Variants in SLC25A26 observed in about 807,000 individuals in gnomAD.
SLC25A26 encodes solute carrier family 25 member 26, also known as mitochondrial S-adenosylmethionine carrier protein.
A neutral mutation model predicts 37.8 loss-of-function variants in SLC25A26; 36 were observed. That is an observed-to-expected ratio of 0.95 (90% CI 0.73 to 1.26). SLC25A26 has a LOEUF of 1.26. Ranked by LOEUF, SLC25A26 falls within the 50% of genes most tolerant of loss-of-function variation. The probability of loss-of-function intolerance (pLI) is 0.00; values close to 1 mark genes in which losing one functional copy is unlikely to be tolerated. For synonymous variants in SLC25A26, 129 were observed against 122.5 expected (o/e 1.05, Z -0.35); for missense variants, 390 against 331.1 (o/e 1.18, Z -1.38).
In SLC25A26 at chr3:66,276,958, A is replaced by G. The variant is rs73833440; in HGVS notation, c.453+13579A>G. Among the ~76,000 whole-genome samples, 34 of 66,860 alleles carry G rather than the reference A, an allele frequency of 5.1e-4. 1 individual carries two copies. The highest frequency in any genetic ancestry group is 1.1e-3 in the African/African-American group (6 of 5,246). The allele number at this position is 66,860 out of a possible 152,430, so 43.9% of individuals were successfully genotyped here. ...GGAAGCTGCTTCCTGGCACTGTTTG[A>G]AAAAAAAAAAAAAAGGTTCAAATTA... On this transcript the variant is annotated intron_variant, in intron 5 of 9. Transcript: ENST00000354883.
At chr3:66,363,027 G>T in intron 7 of SLC25A26, 98 bp downstream of exon 7, 1 of 635,834 alleles carries the variant, frequency 1.6e-6, no homozygotes, top group Non-Finnish European at 2.4e-6. Context: ...ATTCCAGGTT[G>T]TTTAGATGAA....
intron 5 of SLC25A26, among the ~76,000 whole-genome samples, chr3:66,345,491 T>C (rs1289966203): frequency 6.6e-6 from 1 of 150,960 alleles, no homozygotes; most frequent in Non-Finnish European, 1.5e-5. Context: ...CCTCCTCCTC[T>C]CTGCCCCCCT....
At chr3:66,311,657 T>C (rs937720242) in intron 5 of SLC25A26, among the ~76,000 whole-genome samples, 1 of 152,128 alleles carries the variant, frequency 6.6e-6, no homozygotes, top group African/African-American at 2.4e-5. Context: ...CGCGGATGAC[T>C]TTTGGATAGG....
chr3:66,247,251 T>TTAAATA (rs59031457), intron 3 of SLC25A26, among the ~76,000 whole-genome samples: 3 of 149,966 alleles, frequency 2.0e-5, no homozygotes, highest in Admixed American at 6.8e-5. Flanking sequence ...TGTTGGCTAT[T>TTAAATA]TAAATATAAA....
At chr3:66,308,410 A>G (rs2075284962) in intron 5 of SLC25A26, among the ~76,000 whole-genome samples, 1 of 152,196 alleles carries the variant, frequency 6.6e-6, no homozygotes, top group Non-Finnish European at 1.5e-5. Context: ...GGCTGCGATG[A>G]TGGAGTTTTC....
intron 5 of SLC25A26, among the ~76,000 whole-genome samples, chr3:66,329,783 G>A (rs1306518433): frequency 4.6e-5 from 7 of 151,966 alleles, no homozygotes; most frequent in Admixed American, 3.9e-4. Flanking sequence ...CTGTTACCTC[G>A]AACTCCTGGC....
intron 1 of SLC25A26, among the ~76,000 whole-genome samples, chr3:66,169,708 A>T (rs1225246825): frequency 6.6e-6 from 1 of 152,190 alleles, no homozygotes; most frequent in East Asian, 1.9e-4. Context: ...TGGATGAAAA[A>T]ATCTGGCTTC....
intron 1 of SLC25A26, among the ~76,000 whole-genome samples, chr3:66,223,322 A>G (rs2071586913): frequency 6.6e-6 from 1 of 152,100 alleles, no homozygotes; most frequent in Non-Finnish European, 1.5e-5. Context: ...AAGTGGAAAG[A>G]GCTTAGAGTT....
chr3:66,173,290 G>A (rs2106736496), intron 1 of SLC25A26, among the ~76,000 whole-genome samples: 1 of 152,256 alleles, frequency 6.6e-6, no homozygotes, highest in Admixed American at 6.5e-5. Flanking sequence ...GCTTTCCCCG[G>A]GAGCTAGAGT....
intron 5 of SLC25A26, among the ~76,000 whole-genome samples, chr3:66,340,141 T>G (rs143849135): frequency 6.6e-6 from 1 of 152,242 alleles, no homozygotes; most frequent in East Asian, 1.9e-4. Context: ...TCTGGCACCC[T>G]TTTCGAAGAT....
chr3:66,236,087 T>C (rs1217571062), intron 1 of SLC25A26, among the ~76,000 whole-genome samples: 1 of 152,042 alleles, frequency 6.6e-6, no homozygotes, highest in East Asian at 1.9e-4. Flanking sequence ...TAATTTTTTA[T>C]TTTTTGTAGT....
chr3:66,250,955 T>TG (rs922022127), intron 3 of SLC25A26, among the ~76,000 whole-genome samples: 66 of 152,182 alleles, frequency 4.3e-4, no homozygotes, highest in African/African-American at 1.5e-3. Flanking sequence ...CTTTTTGTTT[T>TG]GTGTTTGTGG....
intron 3 of SLC25A26, among the ~76,000 whole-genome samples, chr3:66,253,304 G>A (rs906258218): frequency 5.3e-5 from 8 of 151,666 alleles, no homozygotes; most frequent in Non-Finnish European, 1.0e-4. Flanking sequence ...CCAGCTACTC[G>A]GGAGGCTGAG....
At chr3:66,262,799 T>C (rs1456903922) in intron 4 of SLC25A26, among the ~76,000 whole-genome samples, 1 of 152,234 alleles carries the variant, frequency 6.6e-6, no homozygotes, top group Non-Finnish European at 1.5e-5. Flanking sequence ...CTAGTATAAC[T>C]TCCCCGTTGA....
chr3:66,309,748 A>G (rs771810652), intron 5 of SLC25A26, among the ~76,000 whole-genome samples: 6 of 152,056 alleles, frequency 3.9e-5, no homozygotes, highest in Non-Finnish European at 7.4e-5. Flanking sequence ...TTTCTGCCTT[A>G]ATTTCGTTAT....
At chr3:66,361,556 G>A (rs778931874) in intron 6 of SLC25A26, among the ~76,000 whole-genome samples, 8 of 152,156 alleles carry the variant, frequency 5.3e-5, no homozygotes, top group African/African-American at 1.7e-4. Flanking sequence ...ATTGAGATAC[G>A]GTAACCCAGT....
chr3:66,372,872 C>T (rs1700424456), intron 9 of SLC25A26, among the ~76,000 whole-genome samples: 1 of 152,064 alleles, frequency 6.6e-6, no homozygotes, highest in African/African-American at 2.4e-5. Context: ...GGGGCGTGCA[C>T]TAAGTTTACT....
At chr3:66,157,861 G>C (rs996797053) in intron 1 of SLC25A26, among the ~76,000 whole-genome samples, 1 of 152,176 alleles carries the variant, frequency 6.6e-6, no homozygotes, top group Non-Finnish European at 1.5e-5. Context: ...CAACATGTCT[G>C]ATGTCTTTCA....
intron 6 of SLC25A26, among the ~76,000 whole-genome samples, chr3:66,357,597 C>T (rs1470928384): frequency 6.6e-6 from 1 of 152,066 alleles, no homozygotes; most frequent in African/African-American, 2.4e-5. Flanking sequence ...TAATGCCCCT[C>T]TCCTCCCCTA....
Sources: gnomAD v4.1 joint callset for allele counts (sites outside exome capture counted in the v4.1 genomes callset) on GRCh38, gnomAD v4.1.1 for gene constraint, MANE v1.5 for transcripts, NCBI Gene and HGNC (gene_info 2026-07-23, HGNC 2026-07-21) for gene names.